Variants in SEC31A observed in about 807,000 individuals in gnomAD.
SEC31A encodes SEC31 homolog A, COPII component.
In SEC31A, 70 loss-of-function variants were observed where a neutral mutation model predicts 151.0. That is an observed-to-expected ratio of 0.46 (90% CI 0.38 to 0.57). The LOEUF is 0.57. SEC31A is among the 20% of genes least tolerant of loss of function. SEC31A has a pLI of 0.00. For missense variants in SEC31A, 1,330 were observed against 1,471.2 expected (o/e 0.90, Z 1.57); for synonymous variants, 475 against 505.9 (o/e 0.94, Z 0.82).
chr4:82,853,749 C>T, intron 17 of SEC31A, 34 bp from the exon 18 acceptor site: 2 of 1,567,334 alleles, frequency 1.3e-6, no homozygotes, highest in Non-Finnish European at 1.7e-6. Context: ...TAAGATTATA[C>T]CCAAGGCAAT....
At chr4:82,875,504 G>A (rs1162962327) in intron 5 of SEC31A, among the ~76,000 whole-genome samples, 2 of 152,166 alleles carry the variant, frequency 1.3e-5, no homozygotes, top group Non-Finnish European at 2.9e-5. Context: ...AATGACCAGT[G>A]TCTACCAGGT....
chr4:82,862,085 G>T (rs1479821884), intron 13 of SEC31A, among the ~76,000 whole-genome samples: 1 of 151,186 alleles, frequency 6.6e-6, no homozygotes, highest in Non-Finnish European at 1.5e-5. Flanking sequence ...GCTAATTTTT[G>T]TATTTTTAGT....
chr4:82,839,023 G>A (rs973864422), intron 22 of SEC31A, among the ~76,000 whole-genome samples: 8 of 152,202 alleles, frequency 5.3e-5, no homozygotes, highest in African/African-American at 1.9e-4. Context: ...TTTCGCCCAG[G>A]CTGGGGTGCA....
At chr4:82,889,990 G>A (rs867325614) in intron 1 of SEC31A, among the ~76,000 whole-genome samples, 31 of 152,050 alleles carry the variant, frequency 2.0e-4, no homozygotes, top group African/African-American at 7.5e-4. Flanking sequence ...CACTTCGGGA[G>A]GCCAACTCGG....
intron 19 of SEC31A, among the ~76,000 whole-genome samples, chr4:82,849,815 C>G (rs911372615): frequency 6.6e-6 from 1 of 151,810 alleles, no homozygotes; most frequent in Non-Finnish European, 1.5e-5. Flanking sequence ...TATGAGGTGA[C>G]CCTATATATG....
chr4:82,869,518 C>A (rs1736189051), intron 8 of SEC31A, among the ~76,000 whole-genome samples: 1 of 152,080 alleles, frequency 6.6e-6, no homozygotes, highest in African/African-American at 2.4e-5. Context: ...GGCAAAAATT[C>A]ATCTAATTAA....
At chr4:82,891,761 C>A (rs1006510628), upstream of SEC31A, among the ~76,000 whole-genome samples, 6 of 152,222 alleles carry the variant, frequency 3.9e-5, no homozygotes, top group Admixed American at 3.3e-4. Flanking sequence ...ATACTTGTTA[C>A]TATCCCATGG....
chr4:82,873,863 C>T (rs1053581055), intron 6 of SEC31A, among the ~76,000 whole-genome samples: 23 of 152,054 alleles, frequency 1.5e-4, no homozygotes, highest in Admixed American at 1.0e-3. Flanking sequence ...TGGGTAAGTG[C>T]CGAAAATATA....
intron 22 of SEC31A, among the ~76,000 whole-genome samples, chr4:82,830,031 G>T (rs936549748): frequency 6.6e-6 from 1 of 152,074 alleles, no homozygotes; most frequent in Non-Finnish European, 1.5e-5. Context: ...TCCAATAAAC[G>T]TTCTTTCAAT....
intron 22 of SEC31A, among the ~76,000 whole-genome samples, chr4:82,829,579 A>G (rs999524241): frequency 1.2e-4 from 18 of 152,204 alleles, no homozygotes; most frequent in Non-Finnish European, 2.1e-4. Flanking sequence ...GCAGACTCCA[A>G]CTATGTAACA....
intron 8 of SEC31A, among the ~76,000 whole-genome samples, chr4:82,870,070 A>G (rs751427518): frequency 2.6e-5 from 4 of 152,188 alleles, no homozygotes; most frequent in Non-Finnish European, 5.9e-5. Flanking sequence ...TCTAGGTAAT[A>G]AACACATTAT....
At position 82,871,311 on chromosome 4, in the gene SEC31A, TACACACACACAC is replaced by T. The variant is rs10548601; in HGVS notation, c.782+621_782+632del. 3.2e-5 allele frequency: 42 copies of T among 1,324,396 alleles called. No individual in the cohort carries two copies. The African/African-American group carries it at 4.9e-4, about 15-fold the overall frequency. The allele number at this position is 1,324,396 out of a possible 1,614,324, so 82.0% of individuals were successfully genotyped here. ...AAATTATATTGGGATTATACATGCA[TACACACACACAC>T]ACACACACACACACAAGTAACGTAG... On this transcript the variant is annotated intron_variant, in intron 7 of 26. Transcript: ENST00000395310.
chr4:82,844,213 G>T, intron 21 of SEC31A, 173 bp downstream of exon 21: 1 of 608,392 alleles, frequency 1.6e-6, no homozygotes, highest in Non-Finnish European at 2.8e-6. Context: ...TCCTAGCATA[G>T]TGATTCAGGC....
At chr4:82,865,201 A>G (rs901967747) in intron 10 of SEC31A, among the ~76,000 whole-genome samples, 2 of 152,212 alleles carry the variant, frequency 1.3e-5, no homozygotes, top group Non-Finnish European at 2.9e-5. Context: ...GAAGTTTGGC[A>G]TGAAAGAATT....
At position 82,875,774 on chromosome 4, in the gene SEC31A, C is replaced by T. The variant is rs1330902334; in HGVS notation, c.451G>A (p.Asp151Asn). The T allele has an allele frequency of 1.9e-6, 3 of 1,608,488 alleles. No homozygotes were observed. Among genetic ancestry groups the T allele is most frequent in the Non-Finnish European group, 1.7e-6 (2 of 1,177,160 alleles). Residue 151 changes from aspartate to asparagine, a missense_variant, in exon 5 of 27, where the codon GAT (aspartate) becomes AAT (asparagine). Transcript: ENST00000395310. Reference sequence around the variant, plus strand: ...ATTGGGGTTGCAAAATTATTTAGATCCCATATGTAGATTTCAGATTCATTA... The same window carrying T: ...ATTGGGGTTGCAAAATTATTTAGATTCCATATGTAGATTTCAGATTCATTA... Reference protein sequence around the residue: ...GANESEIYIWDLNNFATPMTP... With the variant: ...GANESEIYIWNLNNFATPMTP...
intron 21 of SEC31A, among the ~76,000 whole-genome samples, chr4:82,843,270 AC>A (rs1267622139): frequency 6.6e-6 from 1 of 152,010 alleles, no homozygotes; most frequent in East Asian, 1.9e-4. Flanking sequence ...AGCTGGGACT[AC>A]AGGCTATAGG....
In SEC31A at chr4:82,867,049, T is replaced by G. The variant is rs975526694; in HGVS notation, c.1045-89A>C. ...TATCCAAAAAAATTTTTGATCACAA[T>G]TGTCCAATTAACCAGCATTGTTAAT... On this transcript the variant is annotated intron_variant, in intron 9 of 26. Transcript: ENST00000395310. The G allele has an allele frequency of 3.2e-6, 5 of 1,550,720 alleles. No individual in the cohort carries two copies. The Admixed American group carries it at 7.4e-5, about 23-fold the overall frequency.
At chr4:82,888,166 G>C (rs1382461170) in intron 1 of SEC31A, among the ~76,000 whole-genome samples, 1 of 144,396 alleles carries the variant, frequency 6.9e-6, no homozygotes. Context: ...CTTGAGGCCG[G>C]AAGTTCGGGA....
At chr4:82,844,288 A>T in intron 21 of SEC31A, 98 bp downstream of exon 21, 1 of 1,302,616 alleles carries the variant, frequency 7.7e-7, no homozygotes, top group Non-Finnish European at 1.1e-6. Context: ...AATGGTTCTT[A>T]CTTATTGATT....
Sources: allele counts gnomAD v4.1 joint callset (sites outside exome capture counted in the v4.1 genomes callset), GRCh38; gene constraint gnomAD v4.1.1; transcripts MANE v1.5; gene names NCBI Gene and HGNC (gene_info 2026-07-23, HGNC 2026-07-21).